The following ZNF474 variants were observed in gnomAD, a reference collection of about 807,000 sequenced individuals.
The protein encoded by ZNF474 is 4933409D10Rik.
For missense variants in ZNF474, 511 were observed against 433.8 expected (o/e 1.18, Z -1.58); for synonymous variants, 192 against 162.2 (o/e 1.18, Z -1.39).
At chr5:122,149,178 T>A (rs1378862319) in intron 1 of ZNF474, among the ~76,000 whole-genome samples, 1 of 152,184 alleles carries the variant, frequency 6.6e-6, no homozygotes, top group Non-Finnish European at 1.5e-5. Flanking sequence ...AAAAACTACC[T>A]ATTAGGTACT....
At chr5:122,131,781 G>A (rs1349973614) in intron 1 of ZNF474, among the ~76,000 whole-genome samples, 2 of 151,988 alleles carry the variant, frequency 1.3e-5, no homozygotes, top group Non-Finnish European at 2.9e-5. Context: ...GAACTTCTTG[G>A]AGATTTGTAT....
rs1755533335 is a variant in ZNF474 at position 122,129,688 on chromosome 5, AG to A, written c.-213+6del. Reference sequence around the variant, plus strand: ...GCTAAAAGGCAAAATAAAAAGGTAAAGAACAAATGTCACAAGGTGAGGCTCT... The same window carrying A: ...GCTAAAAGGCAAAATAAAAAGGTAAAAACAAATGTCACAAGGTGAGGCTCT... On this transcript the variant is annotated splice_donor_region_variant and intron_variant, in intron 1 of 1. Transcript: ENST00000296600. The A allele has an allele frequency of 6.6e-6, 1 of 152,280 alleles. No homozygotes were observed. 9.4% of individuals were successfully genotyped at this position (152,280 alleles called of 1,614,324 possible). A position where few individuals can be genotyped will look rare whatever the true frequency, so the allele number is the denominator to read the frequency against.
At position 122,134,124 on chromosome 5, in the gene ZNF474, G is replaced by A. The variant is rs139532654; in HGVS notation, c.-213+4441G>A. 9.7e-3 allele frequency among the ~76,000 whole-genome samples: 1,475 copies of A among 152,224 alleles called. 21 individuals carry two copies. The highest frequency in any genetic ancestry group is 0.033 in the African/African-American group (1,386 of 41,528). On this transcript the variant is annotated intron_variant, in intron 1 of 1. Transcript: ENST00000296600. Reference sequence around the variant, plus strand: ...CTGAGGGATCAGTGATGATTTCTGCGGAGTCTTACAAACACGAAGAAACAA... The same window carrying A: ...CTGAGGGATCAGTGATGATTTCTGCAGAGTCTTACAAACACGAAGAAACAA...
At chr5:122,147,606 T>C (rs1756025996) in intron 1 of ZNF474, among the ~76,000 whole-genome samples, 1 of 151,148 alleles carries the variant, frequency 6.6e-6, no homozygotes, top group Admixed American at 6.6e-5. Context: ...TTCCCACTTA[T>C]GAGTGTGAAC....
intron 1 of ZNF474, among the ~76,000 whole-genome samples, chr5:122,135,792 A>G (rs1314427251): frequency 1.3e-5 from 2 of 152,208 alleles, no homozygotes; most frequent in Non-Finnish European, 2.9e-5. Flanking sequence ...CATATACTCA[A>G]TGGAATATTA....
rs978536435 is a variant in ZNF474 at position 122,134,234 on chromosome 5, G to A, written c.-213+4551G>A. On this transcript the variant is annotated intron_variant, in intron 1 of 1. Coordinates refer to ENST00000296600, the MANE Select transcript of ZNF474 (RefSeq NM_207317.3). ...GAGAGGGAGAATATAAAGAAGGCAA[G>A]TTGTTAATCATTTAAAAAGAATGGC... Among the ~76,000 whole-genome samples the A allele has an allele frequency of 4.6e-5, 7 of 152,276 alleles. No homozygotes were observed. In the East Asian group the frequency reaches 1.2e-3, roughly 25 times the overall value.
At chr5:122,129,769 A>G (rs1755535128) in intron 1 of ZNF474, 86 bp downstream of exon 1, 1 of 152,188 alleles carries the variant, frequency 6.6e-6, no homozygotes, top group African/African-American at 2.4e-5. Flanking sequence ...TTCAACTAAT[A>G]ACAACTGCTT....
chr5:122,152,044 C>A lies in ZNF474; in HGVS notation c.54C>A (p.His18Gln). The A allele has an allele frequency of 1.9e-6, 3 of 1,613,238 alleles. No individual in the cohort carries two copies. The highest frequency in any genetic ancestry group is 2.5e-6 in the Non-Finnish European group (3 of 1,179,846). Residue 18 changes from histidine (H) to glutamine (Q), a missense_variant, in exon 2 of 2, where the codon CAC (histidine) becomes CAA (glutamine). By Grantham distance (24) the His-to-Gln change is conservative. Transcript: ENST00000296600. ...CCAATAAGTTACAACAAACTTTTCA[C>A]CATTCTAAAGAACCCACTTTCCTTA... is the stretch of plus-strand genomic sequence containing the variant. Reference protein sequence around the residue: ...RISNKLQQTFHHSKEPTFLIN... With the variant: ...RISNKLQQTFQHSKEPTFLIN...
intron 1 of ZNF474, among the ~76,000 whole-genome samples, chr5:122,130,686 A>C (rs1755554832): frequency 6.6e-6 from 1 of 152,024 alleles, no homozygotes; most frequent in African/African-American, 2.4e-5. Context: ...TTTATGTCTA[A>C]CTTTTTTCCA....
intron 1 of ZNF474, among the ~76,000 whole-genome samples, chr5:122,137,446 CAAAAA>C (rs1166694085): frequency 0.038 from 430 of 11,348 alleles, no homozygotes; most frequent in African/African-American, 0.074. Flanking sequence ...GACTCTGTCT[CAAAAA>C]AAAAAAAAAA....
chr5:122,132,592 T>C (rs1426296437), intron 1 of ZNF474, among the ~76,000 whole-genome samples: 3 of 152,152 alleles, frequency 2.0e-5, no homozygotes, highest in African/African-American at 7.2e-5. Context: ...GGATCATAGA[T>C]ATTCTCTTCT....
intron 1 of ZNF474, among the ~76,000 whole-genome samples, chr5:122,130,392 A>G (rs1013300982): frequency 3.9e-5 from 6 of 152,156 alleles, no homozygotes; most frequent in Admixed American, 2.6e-4. Context: ...TCCTCAAAGA[A>G]TAGTTGGCCA....
intron 1 of ZNF474, among the ~76,000 whole-genome samples, chr5:122,137,188 T>C (rs1391822086): frequency 6.6e-6 from 1 of 151,950 alleles, no homozygotes; most frequent in Non-Finnish European, 1.5e-5. Context: ...TAAGTGTGTG[T>C]GTTTGGGACA....
Position 122,152,049 on chromosome 5 carries a change from C to G in ZNF474, c.59C>G (p.Ser20Cys), listed in dbSNP as rs1413820645. Residue 20 changes from serine (S) to cysteine (C), a missense_variant, in exon 2 of 2, where the codon TCT (serine) becomes TGT (cysteine). Transcript: ENST00000296600. ...AAGTTACAACAAACTTTTCACCATTCTAAAGAACCCACTTTCCTTATCAAC... is the reference window on the plus strand; with the variant it reads ...AAGTTACAACAAACTTTTCACCATTGTAAAGAACCCACTTTCCTTATCAAC... Reference protein sequence around the residue: ...SNKLQQTFHHSKEPTFLINQA... With the variant: ...SNKLQQTFHHCKEPTFLINQA... 6.2e-7 allele frequency: 1 copy of G among 1,613,888 alleles called. No homozygotes were observed. The highest frequency in any genetic ancestry group is 1.7e-5 in the Admixed American group (1 of 59,944).
intron 1 of ZNF474, among the ~76,000 whole-genome samples, chr5:122,150,099 G>A (rs778128486): frequency 7.2e-5 from 11 of 152,058 alleles, no homozygotes; most frequent in Non-Finnish European, 1.2e-4. Flanking sequence ...AAAATTCCTC[G>A]GTGAACAGAG....
Position 122,150,906 on chromosome 5 carries a change from C to A in ZNF474, c.-212-873C>A, listed in dbSNP as rs573913435. On this transcript the variant is annotated intron_variant, in intron 1 of 1. Transcript: ENST00000296600. Reference sequence around the variant, plus strand: ...GCCTCAAGCAGCATCTGTGTATCATCTTTCCATGAAAGATCTGCAGATATC... The same window carrying A: ...GCCTCAAGCAGCATCTGTGTATCATATTTCCATGAAAGATCTGCAGATATC... 4.6e-4 allele frequency among the ~76,000 whole-genome samples: 70 copies of A among 152,294 alleles called. 2 individuals are homozygous for A. In the South Asian group the frequency reaches 0.014, roughly 31 times the overall value.
intron 1 of ZNF474, among the ~76,000 whole-genome samples, chr5:122,139,529 G>A (rs978291884): frequency 6.6e-6 from 1 of 152,144 alleles, no homozygotes; most frequent in South Asian, 2.1e-4. Context: ...AACCCTAAAT[G>A]TATGAATTTT....
chr5:122,141,300 A>ATTTTTTTTTTTTTTTTTTTTTT (rs368273210), intron 1 of ZNF474, among the ~76,000 whole-genome samples: 1 of 64,342 alleles, frequency 1.6e-5, no homozygotes, highest in African/African-American at 7.4e-5. Context: ...ACCCCTGGCT[A>ATTTTTTTTTTTTTTTTTTTTTT]TTTTTTTTTT....
At chr5:122,148,213 C>T (rs1160930083) in intron 1 of ZNF474, among the ~76,000 whole-genome samples, 1 of 152,244 alleles carries the variant, frequency 6.6e-6, no homozygotes, top group African/African-American at 2.4e-5. Flanking sequence ...CAGTCACTGG[C>T]AGAAACATTA....
Sources: gnomAD v4.1 joint callset for allele counts (sites outside exome capture counted in the v4.1 genomes callset) on GRCh38, gnomAD v4.1.1 for gene constraint, MANE v1.5 for transcripts, NCBI Gene and HGNC (gene_info 2026-07-23, HGNC 2026-07-21) for gene names.